Variants in DCC observed in about 807,000 individuals in gnomAD.
The protein encoded by DCC is DCC netrin 1 receptor, also known as netrin receptor DCC.
Under a neutral mutation model 172.5 loss-of-function variants are expected in DCC, and 58 were observed. That is an observed-to-expected ratio of 0.34 (90% CI 0.27 to 0.42). The LOEUF (loss-of-function observed/expected upper bound fraction) is 0.42, where lower values mean the gene tolerates loss of function less well. Ranked by LOEUF, DCC falls within the 10% of genes least tolerant of loss-of-function variation. The probability of loss-of-function intolerance (pLI) is 1.00; values close to 1 mark genes in which losing one functional copy is unlikely to be tolerated. For missense variants in DCC, 1,740 were observed against 1,791.0 expected (o/e 0.97, Z 0.51); for synonymous variants, 709 against 644.5 (o/e 1.10, Z -1.52).
chr18:52,635,179 T>G (rs2034750361), intron 1 of DCC, among the ~76,000 whole-genome samples: 1 of 152,210 alleles, frequency 6.6e-6, no homozygotes, highest in African/African-American at 2.4e-5. Context: ...GGAAATGTTA[T>G]AGCTATTCTT....
At chr18:53,467,414 T>G (rs2045635172) in intron 24 of DCC, among the ~76,000 whole-genome samples, 1 of 152,246 alleles carries the variant, frequency 6.6e-6, no homozygotes, top group African/African-American at 2.4e-5. Context: ...TGCAGTTTAT[T>G]TCTTGTGGGT....
intron 18 of DCC, among the ~76,000 whole-genome samples, chr18:53,398,030 C>T (rs1176998539): frequency 1.3e-5 from 2 of 152,062 alleles, no homozygotes; most frequent in Non-Finnish European, 2.9e-5. Flanking sequence ...TTACTGGTCA[C>T]ATTTACTATG....
At position 53,242,043 on chromosome 18, in the gene DCC, G is replaced by A. The variant is rs372138444; in HGVS notation, c.1911+26446G>A. Among the ~76,000 whole-genome samples the A allele has an allele frequency of 1.5e-4, 23 of 152,210 alleles. No homozygotes were observed. The South Asian group carries it at 2.1e-3, about 14-fold the overall frequency. Reference sequence around the variant, plus strand: ...AAGAAGAGGACTTCTTAAAGCATGCGCAGTCTTTTTAAAAAGTTTTCCTGC... The same window carrying A: ...AAGAAGAGGACTTCTTAAAGCATGCACAGTCTTTTTAAAAAGTTTTCCTGC... On this transcript the variant is annotated intron_variant, in intron 12 of 28. Coordinates refer to ENST00000442544, the MANE Select transcript of DCC (RefSeq NM_005215.4).
At chr18:52,427,998 C>T (rs67860073) in intron 1 of DCC, among the ~76,000 whole-genome samples, 19,154 of 151,988 alleles carry the variant, frequency 0.13, 1,530 homozygotes, top group Admixed American at 0.19. Flanking sequence ...AGTCACGTCT[C>T]TAGGACCAAA....
intron 12 of DCC, among the ~76,000 whole-genome samples, chr18:53,247,679 TCTTA>T (rs2056381656): frequency 6.6e-6 from 1 of 152,002 alleles, no homozygotes; most frequent in Non-Finnish European, 1.5e-5. Context: ...TTTTTAAAAT[TCTTA>T]CTGTTTGAAG....
At position 52,776,935 on chromosome 18, in the gene DCC, T is replaced by A. The variant is rs76926243; in HGVS notation, c.412+24561T>A. 7.3e-3 allele frequency among the ~76,000 whole-genome samples: 1,119 copies of A among 152,266 alleles called. 14 individuals carry two copies. The highest frequency in any genetic ancestry group is 0.025 in the African/African-American group (1,059 of 41,552). On this transcript the variant is annotated intron_variant, in intron 2 of 28. Transcript: ENST00000442544. ...GAAAGTTAATTTTTGTAACCACGTA[T>A]CCAAGAGGAGAAGGTCCTTGACTAG...
At chr18:52,903,171 A>G (rs952834042) in intron 2 of DCC, among the ~76,000 whole-genome samples, 11 of 152,174 alleles carry the variant, frequency 7.2e-5, no homozygotes, top group African/African-American at 2.7e-4. Flanking sequence ...AATGCAAAAG[A>G]CATTCGGATG....
intron 7 of DCC, among the ~76,000 whole-genome samples, chr18:53,143,670 T>C (rs189054053): frequency 2.6e-5 from 4 of 152,362 alleles, no homozygotes; most frequent in African/African-American, 9.6e-5. Context: ...TAACTCTATC[T>C]TCATGCTTAT....
At chr18:52,656,122 T>A (rs1301866298) in intron 1 of DCC, among the ~76,000 whole-genome samples, 23 of 148,970 alleles carry the variant, frequency 1.5e-4, no homozygotes. Flanking sequence ...ATAACATATA[T>A]ATGTATATAT....
chr18:53,240,387 T>G (rs1392843987), intron 12 of DCC, among the ~76,000 whole-genome samples: 1 of 152,150 alleles, frequency 6.6e-6, no homozygotes, highest in Non-Finnish European at 1.5e-5. Context: ...CAATCATCTC[T>G]GTGATTGTCA....
At chr18:53,193,295 C>A (rs545081158) in intron 9 of DCC, among the ~76,000 whole-genome samples, 125 of 152,180 alleles carry the variant, frequency 8.2e-4, no homozygotes, top group African/African-American at 2.9e-3. Flanking sequence ...CTCCTCCCTG[C>A]ACCTTAGGGT....
intron 2 of DCC, among the ~76,000 whole-genome samples, chr18:52,755,745 G>C (rs2037067232): frequency 6.6e-6 from 1 of 152,130 alleles, no homozygotes; most frequent in South Asian, 2.1e-4. Flanking sequence ...AAAATGTTTT[G>C]TACTCTCAGG....
chr18:53,264,459 C>T (rs1417791873), intron 12 of DCC, among the ~76,000 whole-genome samples: 1 of 129,124 alleles, frequency 7.7e-6, no homozygotes, highest in Non-Finnish European at 1.6e-5. Flanking sequence ...CTGGGCGAAA[C>T]GAGCAAAACT....
At chr18:52,354,137 T>G (rs1255029953) in intron 1 of DCC, among the ~76,000 whole-genome samples, 1 of 151,926 alleles carries the variant, frequency 6.6e-6, no homozygotes, top group African/African-American at 2.4e-5. Context: ...AGTAATAGAG[T>G]GACCGATCAT....
intron 7 of DCC, among the ~76,000 whole-genome samples, chr18:53,122,406 G>A (rs1432504891): frequency 6.6e-6 from 1 of 152,024 alleles, no homozygotes; most frequent in Admixed American, 6.6e-5. Flanking sequence ...CAGAATTTAT[G>A]TAGATGCATA....
rs149632842 is a variant in DCC, at chr18:53,308,943, A to G, written c.2053+3224A>G. 1.4e-3 allele frequency among the ~76,000 whole-genome samples: 216 copies of G among 152,302 alleles called. 1 individual carries two copies. The highest frequency in any genetic ancestry group is 5.0e-3 in the African/African-American group (208 of 41,572). ...TCTCCTAACTGCTGGGGTTACCGGC[A>G]GTCCCTGGTCTTCCTTGGCTTGTAG... On this transcript the variant is annotated intron_variant, in intron 13 of 28. Coordinates refer to ENST00000442544, the MANE Select transcript of DCC (RefSeq NM_005215.4).
chr18:53,433,140 C>G (rs1911728402), intron 21 of DCC, among the ~76,000 whole-genome samples: 1 of 152,066 alleles, frequency 6.6e-6, no homozygotes, highest in Admixed American at 6.6e-5. Context: ...TAAGCTACTC[C>G]TTGTTATTTA....
intron 1 of DCC, among the ~76,000 whole-genome samples, chr18:52,431,916 A>C (rs961209756): frequency 2.0e-5 from 3 of 152,172 alleles, no homozygotes; most frequent in Non-Finnish European, 2.9e-5. Context: ...CTTGGAGCTC[A>C]ACTAGAGAAA....
At chr18:52,943,394 T>C (rs2040493008) in intron 5 of DCC, among the ~76,000 whole-genome samples, 3 of 152,198 alleles carry the variant, frequency 2.0e-5, no homozygotes, top group Admixed American at 6.5e-5. Context: ...ATCATGTCCA[T>C]ATAAGCATGT....
Sources: gnomAD v4.1 joint callset for allele counts (sites outside exome capture counted in the v4.1 genomes callset) on GRCh38, gnomAD v4.1.1 for gene constraint, MANE v1.5 for transcripts, NCBI Gene and HGNC (gene_info 2026-07-23, HGNC 2026-07-21) for gene names.